TSBP1: variants seen among roughly 807,000 people sequenced by gnomAD.
TSBP1 encodes the protein testis expressed basic protein 1.
Under a neutral mutation model 68.8 loss-of-function variants are expected in TSBP1, and 56 were observed. The observed-to-expected ratio is 0.81, with a 90% CI of 0.66 to 1.02. The LOEUF (loss-of-function observed/expected upper bound fraction) is 1.02. Among genes scored for constraint, TSBP1 ranks in the 50% least tolerant of loss-of-function variants. TSBP1 has a pLI of 0.00. For missense variants in TSBP1, 502 were observed against 641.2 expected (o/e 0.78, Z 2.34); for synonymous variants, 171 against 208.7 (o/e 0.82, Z 1.56).
In TSBP1 at chr6:32,366,581, G is replaced by A. The variant is rs1305467828; in HGVS notation, c.167-279C>T. 4.0e-5 allele frequency among the ~76,000 whole-genome samples: 6 copies of A among 151,504 alleles called. No homozygotes were observed. The East Asian group carries it at 7.7e-4, about 20-fold the overall frequency. On this transcript the variant is annotated intron_variant, in intron 4 of 22. Coordinates refer to ENST00000612031, the Ensembl canonical transcript of TSBP1. ...GATCGAGACCATCCTGGCTAACACG[G>A]TGAAACCCCGTCTCTACTAAAAACA...
At chr6:32,344,335 A>T (rs1312027263) in intron 9 of TSBP1, among the ~76,000 whole-genome samples, 2 of 136,624 alleles carry the variant, frequency 1.5e-5, no homozygotes, top group Non-Finnish European at 3.0e-5. Flanking sequence ...CTCAACTTTT[A>T]TGATTCAATG....
chr6:32,313,774 A>T (rs1277100784), intron 19 of TSBP1, among the ~76,000 whole-genome samples: 1 of 152,154 alleles, frequency 6.6e-6, no homozygotes, highest in Non-Finnish European at 1.5e-5. Flanking sequence ...AATATTATGC[A>T]CACTGCATGG....
intron 6 of TSBP1, among the ~76,000 whole-genome samples, chr6:32,362,228 G>C (rs2127652249): frequency 6.8e-6 from 1 of 147,862 alleles, no homozygotes; most frequent in South Asian, 2.1e-4. Flanking sequence ...GGCAGAGCCT[G>C]CAGTGAGCCG....
rs370441048 is a variant in TSBP1 at position 32,304,670 on chromosome 6, C to T, written c.581-2041G>A. 1.3e-5 allele frequency among the ~76,000 whole-genome samples: 2 copies of T among 152,202 alleles called. No homozygotes were observed. The highest frequency in any genetic ancestry group is 1.9e-4 in the East Asian group (1 of 5,184). ...TTACTAATTTATGTTCTCTCTTCAT[C>T]GTCTTTTTTGTCTTTTCATGTTTTC... is the stretch of plus-strand genomic sequence containing the variant. On this transcript the variant is annotated intron_variant, in intron 19 of 22. Coordinates refer to ENST00000612031, the Ensembl canonical transcript of TSBP1. The surrounding 1 kb of genome is among the most constrained non-coding windows in gnomAD (Gnocchi z 4.8).
rs773829841 is a variant in TSBP1, at chr6:32,295,351, A to ACACACACAC, written c.638-1317_638-1316insGTGTGTGTG. Among the ~76,000 whole-genome samples the ACACACACAC allele has an allele frequency of 3.0e-4, 28 of 92,174 alleles. 1 individual carries two copies. In the East Asian group the frequency reaches 3.3e-3, roughly 11 times the overall value. The allele number at this position is 92,174 out of a possible 152,430, so 60.5% of individuals were successfully genotyped here. A position where few individuals can be genotyped will look rare whatever the true frequency, so the allele number is the denominator to read the frequency against. ...ACTCCATCTCACACACACACACACA[A>ACACACACAC]AAAAAAAAAAAAAAAAAAAGAAGAC... On this transcript the variant is annotated intron_variant, in intron 22 of 22. Coordinates refer to ENST00000612031, the Ensembl canonical transcript of TSBP1.
chr6:32,335,436 C>T lies in TSBP1; in HGVS notation c.472+1G>A, dbSNP rs762889398. The T allele has an allele frequency of 4.7e-6, 7 of 1,500,874 alleles. No homozygotes were observed. Among genetic ancestry groups the T allele is most frequent in the African/African-American group, 2.9e-5 (2 of 68,638 alleles). The allele number at this position is 1,500,874 out of a possible 1,614,324, so 93.0% of individuals were successfully genotyped here. On this transcript the variant is annotated splice_donor_variant, in intron 14 of 22. Transcript: ENST00000612031. LOFTEE classifies it high-confidence loss of function. The surrounding 1 kb of genome is among the most constrained non-coding windows in gnomAD (Gnocchi z 5.5). Reference sequence around the variant, plus strand: ...TTATAATTGAGAATCAGATGACTTACCAATGGTTTTTTGAGAGAGCTCTAA... The same window carrying T: ...TTATAATTGAGAATCAGATGACTTATCAATGGTTTTTTGAGAGAGCTCTAA...
chr6:32,334,951 T>A (rs9405092), intron 14 of TSBP1, among the ~76,000 whole-genome samples: 1 of 151,912 alleles, frequency 6.6e-6, no homozygotes, highest in East Asian at 1.9e-4. Flanking sequence ...GGAGAACGGC[T>A]TGAACCCACG....
At chr6:32,326,935 A>G (rs476885) in intron 16 of TSBP1, among the ~76,000 whole-genome samples, 50,985 of 152,106 alleles carry the variant, frequency 0.34, 9,651 homozygotes, top group Middle Eastern at 0.52. Flanking sequence ...GAAATCCTGC[A>G]GGGGATTGGT....
chr6:32,325,594 G>A lies in TSBP1; in HGVS notation c.515-1980C>T, dbSNP rs1274667543. ...GAAATCACCTAAGAAATTATTTTGA[G>A]TAGTATGGAAAAATTGAAGTGATTG... On this transcript the variant is annotated intron_variant, in intron 16 of 22. Coordinates refer to ENST00000612031, the Ensembl canonical transcript of TSBP1. The surrounding 1 kb of genome is among the most constrained non-coding windows in gnomAD (Gnocchi z 4.4). The A allele has an allele frequency of 7.7e-6, 7 of 913,764 alleles. No individual in the cohort carries two copies. Among genetic ancestry groups the A allele is most frequent in the South Asian group, 6.4e-5 (5 of 77,746 alleles). 56.6% of individuals were successfully genotyped at this position (913,764 alleles called of 1,614,324 possible).
intron 6 of TSBP1, among the ~76,000 whole-genome samples, chr6:32,362,300 A>AAAAAAT (rs1773147672): frequency 6.7e-6 from 1 of 149,460 alleles, no homozygotes; most frequent in Admixed American, 6.7e-5. Context: ...AAAAAAAAAA[A>AAAAAAT]AAAAAGAAGA....
chr6:32,345,564 T>C (rs1229287075), intron 9 of TSBP1, among the ~76,000 whole-genome samples: 1 of 151,370 alleles, frequency 6.6e-6, no homozygotes, highest in Non-Finnish European at 1.5e-5. Context: ...ATTTTAAAAA[T>C]AGGATTTATA....
rs1765112461 is a variant in TSBP1 at position 32,299,932 on chromosome 6, CAGTGCTAA to C, written c.623-4_626del. The C allele has an allele frequency of 6.2e-7, 1 of 1,609,378 alleles. No homozygotes were observed. The stretch of plus-strand genomic sequence containing the variant: ...AGATATGGAACTTACCCACAGGAGT[CAGTGCTAA>C]AAACAAAACACAAAAGAAAGATCAG... On this transcript the variant is annotated splice_acceptor_variant and splice_polypyrimidine_tract_variant and coding_sequence_variant and intron_variant, in exon 22 of 23. Transcript: ENST00000612031. LOFTEE classifies it high-confidence loss of function.
chr6:32,298,514 G>C (rs1764942013), intron 22 of TSBP1, among the ~76,000 whole-genome samples: 1 of 152,192 alleles, frequency 6.6e-6, no homozygotes, highest in African/African-American at 2.4e-5. Flanking sequence ...GTGAGGCAGA[G>C]GTTGCAGTGA....
rs185166427 is a variant in TSBP1, at chr6:32,318,860, T to C, written c.560-3068A>G. Among the ~76,000 whole-genome samples, 570 of 152,294 alleles carry C rather than the reference T, an allele frequency of 3.7e-3. 5 individuals carry two copies. The highest frequency in any genetic ancestry group is 0.013 in the African/African-American group (534 of 41,538). On this transcript the variant is annotated intron_variant, in intron 18 of 22. Coordinates refer to ENST00000612031, the Ensembl canonical transcript of TSBP1. ...GGTGATGGTTGCACAACCCAGTGAATATACTAAAAAGCATTAAATTCCACA... is the reference window on the plus strand; with the variant it reads ...GGTGATGGTTGCACAACCCAGTGAACATACTAAAAAGCATTAAATTCCACA...
At chr6:32,329,470 A>G (rs1768664882) in intron 16 of TSBP1, among the ~76,000 whole-genome samples, 1 of 152,214 alleles carries the variant, frequency 6.6e-6, no homozygotes, top group South Asian at 2.1e-4. Flanking sequence ...GGAATAGTCA[A>G]TAACAAATGG....
rs1769092367 is a variant in TSBP1, at chr6:32,332,072, T to C, written c.473-18A>G. Reference sequence around the variant, plus strand: ...AGTTTGCACTAAAAAGAAATTCAAATTGGCATATTAGTACAGTTATTTGGA... The same window carrying C: ...AGTTTGCACTAAAAAGAAATTCAAACTGGCATATTAGTACAGTTATTTGGA... On this transcript the variant is annotated intron_variant, in intron 14 of 22. Coordinates refer to ENST00000612031, the Ensembl canonical transcript of TSBP1. 5 of 1,583,906 alleles carry C rather than the reference T, an allele frequency of 3.2e-6. No individual in the cohort carries two copies. In the East Asian group the frequency reaches 1.1e-4, roughly 35 times the overall value.
rs1009159962 is a variant in TSBP1 at position 32,304,437 on chromosome 6, G to A, written c.581-1808C>T. Among the ~76,000 whole-genome samples the A allele has an allele frequency of 2.0e-5, 3 of 151,948 alleles. No homozygotes were observed. Among genetic ancestry groups the A allele is most frequent in the African/African-American group, 7.3e-5 (3 of 41,332 alleles). On this transcript the variant is annotated intron_variant, in intron 19 of 22. Transcript: ENST00000612031. This position sits in a 1 kb window ranked among gnomAD's most constrained non-coding sequence, Gnocchi z 4.8. ...TTGGAACACCAGAAAACAGACCTTT[G>A]GGAAACATTAAATCTTCTAGGAATA...
rs1772444149 is a variant in TSBP1 at position 32,357,143 on chromosome 6, A to G, written c.218-1474T>C. ...TTAGGATGACTGAGATTTATAGGTT[A>G]TGTTAGGGGGACTGGAAAGTCAGAG... On this transcript the variant is annotated intron_variant, in intron 6 of 22. Transcript: ENST00000612031. This position sits in a 1 kb window ranked among gnomAD's most constrained non-coding sequence, Gnocchi z 4.7. 6.6e-6 allele frequency among the ~76,000 whole-genome samples: 1 copy of G among 152,190 alleles called. No individual in the cohort carries two copies. The highest frequency in any genetic ancestry group is 2.1e-4 in the South Asian group (1 of 4,834).
At chr6:32,328,721 T>G (rs770230931) in intron 16 of TSBP1, among the ~76,000 whole-genome samples, 36 of 150,876 alleles carry the variant, frequency 2.4e-4, no homozygotes, top group Non-Finnish European at 4.4e-5. Context: ...CTGGCCAAAT[T>G]TTTGTATTTT....
Sources: gnomAD v4.1 joint callset for allele counts (sites outside exome capture counted in the v4.1 genomes callset) on GRCh38, gnomAD v4.1.1 for gene constraint, Gnocchi (gnomAD v3.1) non-coding constraint, MANE v1.5 for transcripts, NCBI Gene and HGNC (gene_info 2026-07-23, HGNC 2026-07-21) for gene names.